The following GRIK5 variants were observed in gnomAD, a reference collection of about 807,000 sequenced individuals.
GRIK5 encodes glutamate receptor ionotropic, kainate 5.
Under a neutral mutation model 97.4 loss-of-function variants are expected in GRIK5, and 43 were observed. The observed-to-expected ratio is 0.44, with a 90% CI of 0.35 to 0.57. The LOEUF is 0.57. Ranked by LOEUF, GRIK5 falls within the 20% of genes least tolerant of loss-of-function variation. The pLI is 0.01. For synonymous variants in GRIK5, 580 were observed against 583.5 expected (o/e 0.99, Z 0.09); for missense variants, 1,015 against 1,382.0 (o/e 0.73, Z 4.21).
At chr19:42,052,161 A>C (rs775556169) in intron 11 of GRIK5, among the ~76,000 whole-genome samples, 23 of 152,176 alleles carry the variant, frequency 1.5e-4, no homozygotes, top group Non-Finnish European at 2.5e-4. Context: ...GAACATCAGG[A>C]AGGGAAGAAA....
At chr19:42,010,230 A>T (rs571792714) in intron 15 of GRIK5, among the ~76,000 whole-genome samples, 3 of 152,172 alleles carry the variant, frequency 2.0e-5, no homozygotes, top group Non-Finnish European at 4.4e-5. Flanking sequence ...GAGAGGAGAG[A>T]AAGGGATAAC....
At position 42,006,075 on chromosome 19, in the gene GRIK5, G is replaced by C. The variant is rs1196526251; in HGVS notation, c.2038-127C>G. ...AATGCAAGGTGATCAAAGGAAGACA[G>C]AGCCAAAGGTAGAGGAGAGAGAGGA... On this transcript the variant is annotated intron_variant, in intron 16 of 19. Coordinates refer to ENST00000593562, the MANE Select transcript of GRIK5 (RefSeq NM_002088.5). The surrounding 1 kb of genome is among the most constrained non-coding windows in gnomAD (Gnocchi z 5.3). 1.5e-6 allele frequency: 1 copy of C among 653,928 alleles called. No individual in the cohort carries two copies. Among genetic ancestry groups the C allele is most frequent in the Non-Finnish European group, 2.8e-6 (1 of 356,578 alleles). 40.5% of individuals were successfully genotyped at this position (653,928 alleles called of 1,614,324 possible).
intron 11 of GRIK5, among the ~76,000 whole-genome samples, chr19:42,045,180 T>G (rs374727509): frequency 1.3e-5 from 2 of 152,344 alleles, no homozygotes; most frequent in African/African-American, 4.8e-5. Flanking sequence ...TTGTGCTGCT[T>G]CTTCTAGCAA....
At position 42,056,812 on chromosome 19, in the gene GRIK5, G is replaced by C; in HGVS notation, c.753C>G (p.Ile251Met). Residue 251 changes from isoleucine to methionine, a missense_variant, in exon 8 of 20, where the codon ATC becomes ATG. Coordinates refer to ENST00000593562, the MANE Select transcript of GRIK5 (RefSeq NM_002088.5). The part of the protein sequence containing the change: ...KYILTTMDFP[I>M]LHLDGIVEDS... ...CCTCCACAATACCGTCCAGATGCAG[G>C]ATGGGGAAGTCCTGGGACCAGGAAG... 1 of 1,614,178 alleles carries C rather than the reference G, an allele frequency of 6.2e-7. No homozygotes were observed. The highest frequency in any genetic ancestry group is 8.5e-7 in the Non-Finnish European group (1 of 1,180,024).
At chr19:42,043,650 G>C (rs1366795932) in intron 11 of GRIK5, among the ~76,000 whole-genome samples, 2 of 151,954 alleles carry the variant, frequency 1.3e-5, no homozygotes, top group Non-Finnish European at 2.9e-5. Flanking sequence ...GACCTCAAGT[G>C]ATCCGCCCAC....
At chr19:42,030,447 G>A (rs914862818) in intron 12 of GRIK5, among the ~76,000 whole-genome samples, 8 of 151,668 alleles carry the variant, frequency 5.3e-5, no homozygotes, top group South Asian at 2.1e-4. Context: ...GCGAGCCACC[G>A]TGCCCAGCCA....
At chr19:42,034,462 T>C (rs1009519992) in intron 12 of GRIK5, among the ~76,000 whole-genome samples, 13 of 152,148 alleles carry the variant, frequency 8.5e-5, no homozygotes, top group Non-Finnish European at 1.6e-4. Context: ...CTCTCGGATC[T>C]CTCTGCCCCT....
At chr19:42,054,241 C>T in intron 9 of GRIK5, 79 bp downstream of exon 9, 1 of 1,472,942 alleles carries the variant, frequency 6.8e-7, no homozygotes, top group Non-Finnish European at 9.3e-7. Flanking sequence ...GGGCAGAGGG[C>T]CACAGGGTGG....
Position 42,003,855 on chromosome 19 carries a change from G to T in GRIK5, c.2264-172C>A, listed in dbSNP as rs560685647. ...CAGTCTCCTCTCAACACAGCAGCCAGAGAGACAGTGTTAGGAAGAGTCAGA... is the reference window on the plus strand; with the variant it reads ...CAGTCTCCTCTCAACACAGCAGCCATAGAGACAGTGTTAGGAAGAGTCAGA... On this transcript the variant is annotated intron_variant, in intron 17 of 19. Transcript: ENST00000593562. The surrounding 1 kb of genome is among the most constrained non-coding windows in gnomAD (Gnocchi z 4.2). 8.9e-5 allele frequency: 57 copies of T among 639,434 alleles called. No homozygotes were observed. The African/African-American group carries it at 1.0e-3, about 11-fold the overall frequency. 39.6% of individuals were successfully genotyped at this position (639,434 alleles called of 1,614,324 possible). A position where few individuals can be genotyped will look rare whatever the true frequency, so the allele number is the denominator to read the frequency against.
rs966309166 is a variant in GRIK5, at chr19:42,061,070, C to T, written c.508+1418G>A. Among the ~76,000 whole-genome samples, 207 of 152,184 alleles carry T rather than the reference C, an allele frequency of 1.4e-3. 1 individual carries two copies. The highest frequency in any genetic ancestry group is 6.8e-3 in the Middle Eastern group (2 of 294). ...TATTTATTTATTTATTTTTTTGAGACGGAGTCTCGCTCTGTCGCCCAGGCT... is the reference window on the plus strand; with the variant it reads ...TATTTATTTATTTATTTTTTTGAGATGGAGTCTCGCTCTGTCGCCCAGGCT... On this transcript the variant is annotated intron_variant, in intron 5 of 19. Coordinates refer to ENST00000593562, the MANE Select transcript of GRIK5 (RefSeq NM_002088.5).
At chr19:42,031,416 C>A (rs978178293) in intron 12 of GRIK5, among the ~76,000 whole-genome samples, 3 of 152,164 alleles carry the variant, frequency 2.0e-5, no homozygotes, top group Non-Finnish European at 4.4e-5. Flanking sequence ...TGGGTCAGTG[C>A]GCCAACGTGG....
At chr19:42,027,803 C>T (rs2075790614) in intron 12 of GRIK5, among the ~76,000 whole-genome samples, 1 of 152,136 alleles carries the variant, frequency 6.6e-6, no homozygotes, top group Non-Finnish European at 1.5e-5. Context: ...CTCCTACTCA[C>T]TTTTCATTTC....
intron 11 of GRIK5, 92 bp downstream of exon 11, chr19:42,053,510 G>A (rs1460949989): frequency 2.5e-6 from 2 of 801,890 alleles, no homozygotes; most frequent in East Asian, 4.9e-5. Flanking sequence ...CCTATGCGCT[G>A]TGCCAGCCAA....
chr19:42,044,047 G>T (rs1243933194), intron 11 of GRIK5, among the ~76,000 whole-genome samples: 1 of 152,160 alleles, frequency 6.6e-6, no homozygotes, highest in Non-Finnish European at 1.5e-5. Context: ...TCAGGGGGGC[G>T]GTTTCCCCCA....
chr19:42,032,735 C>T (rs1212502208), intron 12 of GRIK5, among the ~76,000 whole-genome samples: 1 of 152,216 alleles, frequency 6.6e-6, no homozygotes, highest in African/African-American at 2.4e-5. Context: ...ATAGTGGAAA[C>T]TGGCCTCGCC....
Position 42,022,000 on chromosome 19 carries a change from G to A in GRIK5, c.1644C>T (p.Leu548=), listed in dbSNP as rs770262763. 3.1e-6 allele frequency: 5 copies of A among 1,614,088 alleles called. No homozygotes were observed. The highest frequency in any genetic ancestry group is 1.7e-5 in the Admixed American group (1 of 60,016). Reference sequence around the variant, plus strand: ...CAGCCAGGTAGGCAAGAAGCATGAAGAGCCACACAGCAGGGGAGAAGGGGT... The same window carrying A: ...CAGCCAGGTAGGCAAGAAGCATGAAAAGCCACACAGCAGGGGAGAAGGGGT... ...FLDPFSPAVW[L]FMLLAYLAVS... is the part of the protein sequence containing the mutation. Residue 548 remains leucine (L), a synonymous_variant, in exon 14 of 20, where the codon CTC becomes CTT. Coordinates refer to ENST00000593562, the MANE Select transcript of GRIK5 (RefSeq NM_002088.5). The surrounding 1 kb of genome is among the most constrained non-coding windows in gnomAD (Gnocchi z 4.2).
chr19:42,021,241 T>A lies in GRIK5; in HGVS notation c.1871+60A>T. On this transcript the variant is annotated intron_variant, in intron 15 of 19. Transcript: ENST00000593562. The surrounding 1 kb of genome is among the most constrained non-coding windows in gnomAD (Gnocchi z 4.2). Reference sequence around the variant, plus strand: ...AGGAGATGCCACAGCCCCAACCCCATCCAGGCCTCAGATGGGTCCCTCCCT... The same window carrying A: ...AGGAGATGCCACAGCCCCAACCCCAACCAGGCCTCAGATGGGTCCCTCCCT... 2 of 1,400,074 alleles carry A rather than the reference T, an allele frequency of 1.4e-6. No individual in the cohort carries two copies. The highest frequency in any genetic ancestry group is 2.5e-5 in the South Asian group (2 of 79,302). The allele number at this position is 1,400,074 out of a possible 1,614,324, so 86.7% of individuals were successfully genotyped here.
In GRIK5 at chr19:42,065,537, G is replaced by T; in HGVS notation, c.80-150C>A. On this transcript the variant is annotated intron_variant, in intron 2 of 19. Transcript: ENST00000593562. This position sits in a 1 kb window ranked among gnomAD's most constrained non-coding sequence, Gnocchi z 5.8. Reference sequence around the variant, plus strand: ...TGAGGTTGGTGGGAGCTAGGGGTCTGGACTCCTGGGTCCTGGGGGAAGGAG... The same window carrying T: ...TGAGGTTGGTGGGAGCTAGGGGTCTTGACTCCTGGGTCCTGGGGGAAGGAG... 1.0e-6 allele frequency: 1 copy of T among 967,534 alleles called. No homozygotes were observed. The allele number at this position is 967,534 out of a possible 1,614,324, so 59.9% of individuals were successfully genotyped here. A position where few individuals can be genotyped will look rare whatever the true frequency, so the allele number is the denominator to read the frequency against.
At position 42,065,613 on chromosome 19, in the gene GRIK5, C is replaced by T; in HGVS notation, c.79+79G>A. 1 of 1,260,536 alleles carries T rather than the reference C, an allele frequency of 7.9e-7. No individual in the cohort carries two copies. The highest frequency in any genetic ancestry group is 1.1e-6 in the Non-Finnish European group (1 of 892,092). The allele number at this position is 1,260,536 out of a possible 1,614,324, so 78.1% of individuals were successfully genotyped here. A position where few individuals can be genotyped will look rare whatever the true frequency, so the allele number is the denominator to read the frequency against. On this transcript the variant is annotated intron_variant, in intron 2 of 19. Transcript: ENST00000593562. This position sits in a 1 kb window ranked among gnomAD's most constrained non-coding sequence, Gnocchi z 5.8. ...GCTGAAGAGAGCTGAGACCTGGACC[C>T]TGACGGACTGGCATGCCTGGGTCCC...
Sources: allele counts gnomAD v4.1 joint callset (sites outside exome capture counted in the v4.1 genomes callset), GRCh38; gene constraint gnomAD v4.1.1; non-coding constraint Gnocchi (gnomAD v3.1); transcripts MANE v1.5; gene names NCBI Gene and HGNC (gene_info 2026-07-23, HGNC 2026-07-21).